Variants in GLIPR1L2 observed in about 807,000 individuals in gnomAD.
GLIPR1L2 encodes the protein GLIPR1 like 2, also known as GLIPR1-like protein 2.
In GLIPR1L2, 21 loss-of-function variants were observed where a neutral mutation model predicts 28.4. The observed-to-expected ratio is 0.74, with a 90% CI of 0.52 to 1.06. The LOEUF (loss-of-function observed/expected upper bound fraction) is 1.06. GLIPR1L2 is among the 50% of genes least tolerant of loss of function. The pLI, the probability that GLIPR1L2 is intolerant of heterozygous loss-of-function variation, is 0.00. For synonymous variants in GLIPR1L2, 145 were observed against 139.3 expected (o/e 1.04, Z -0.29); for missense variants, 476 against 416.9 (o/e 1.14, Z -1.23).
At chr12:75,430,438 G>A (rs911609902) in intron 4 of GLIPR1L2, among the ~76,000 whole-genome samples, 2 of 152,144 alleles carry the variant, frequency 1.3e-5, no homozygotes, top group Non-Finnish European at 2.9e-5. Context: ...AGGCAGAAGT[G>A]GAGAAATGTA....
chr12:75,417,045 C>G (rs946302962), intron 3 of GLIPR1L2, among the ~76,000 whole-genome samples: 2 of 152,002 alleles, frequency 1.3e-5, no homozygotes, highest in African/African-American at 4.8e-5. Flanking sequence ...TGGTGCCCCC[C>G]CTACCAACGT....
intron 1 of GLIPR1L2, among the ~76,000 whole-genome samples, chr12:75,407,882 C>T (rs1479140036): frequency 1.3e-5 from 2 of 152,044 alleles, no homozygotes; most frequent in Non-Finnish European, 2.9e-5. Flanking sequence ...TAATTAATCA[C>T]TTAAAATCAT....
At chr12:75,411,752 G>A (rs1461176237) in intron 2 of GLIPR1L2, among the ~76,000 whole-genome samples, 1 of 151,700 alleles carries the variant, frequency 6.6e-6, no homozygotes, top group African/African-American at 2.4e-5. Flanking sequence ...CCTTTTTAAT[G>A]TGTCTCTTTA....
rs2046092111 is a variant in GLIPR1L2, at chr12:75,431,408, A to G, written c.*247A>G. On this transcript the variant is annotated 3_prime_UTR_variant, in exon 6 of 6. Coordinates refer to ENST00000550916, the MANE Select transcript of GLIPR1L2 (RefSeq NM_001270396.2). ...CACTAAGAACAGATAAAGACATGACAGGAAAAACACTGAAAAACATTTGAC... is the reference window on the plus strand; with the variant it reads ...CACTAAGAACAGATAAAGACATGACGGGAAAAACACTGAAAAACATTTGAC... 1 of 363,264 alleles carries G rather than the reference A, an allele frequency of 2.8e-6. No homozygotes were observed. Among genetic ancestry groups the G allele is most frequent in the African/African-American group, 2.1e-5 (1 of 47,804 alleles). 22.5% of individuals were successfully genotyped at this position (363,264 alleles called of 1,614,324 possible).
intron 1 of GLIPR1L2, among the ~76,000 whole-genome samples, chr12:75,401,847 T>G (rs566579391): frequency 5.3e-5 from 8 of 152,094 alleles, no homozygotes; most frequent in Non-Finnish European, 1.2e-4. Flanking sequence ...AAAAGGCAAT[T>G]AGCTGTAAAT....
chr12:75,403,052 C>G (rs1272355859), intron 1 of GLIPR1L2: 2 of 457,108 alleles, frequency 4.4e-6, no homozygotes, highest in South Asian at 1.5e-5. Context: ...GTAGCAGATT[C>G]ATCATTGGAT....
At position 75,431,226 on chromosome 12, in the gene GLIPR1L2, C is replaced by CA; in HGVS notation, c.*66dup. 16 of 459,786 alleles carry CA rather than the reference C, an allele frequency of 3.5e-5. No individual in the cohort carries two copies. The highest frequency in any genetic ancestry group is 1.2e-4 in the South Asian group (3 of 25,006). The allele number at this position is 459,786 out of a possible 1,614,324, so 28.5% of individuals were successfully genotyped here. ...ACCAAAAGTGTAATACAAAAAAAGA[C>CA]AGAAAAAAAAAAAAAGTAAAACACT... On this transcript the variant is annotated 3_prime_UTR_variant, in exon 6 of 6. Transcript: ENST00000550916.
At chr12:75,400,082 C>T (rs1331953695) in intron 1 of GLIPR1L2, among the ~76,000 whole-genome samples, 1 of 151,922 alleles carries the variant, frequency 6.6e-6, no homozygotes, top group Non-Finnish European at 1.5e-5. Context: ...ATACCATACA[C>T]CTGTGGGGAA....
intron 3 of GLIPR1L2, among the ~76,000 whole-genome samples, chr12:75,415,154 G>A (rs2045911481): frequency 6.6e-6 from 1 of 152,016 alleles, no homozygotes; most frequent in Admixed American, 6.6e-5. Context: ...GTTAGATGTA[G>A]GAGTTGAGGT....
intron 1 of GLIPR1L2, among the ~76,000 whole-genome samples, chr12:75,404,690 G>A (rs2045777654): frequency 1.3e-5 from 2 of 151,952 alleles, no homozygotes; most frequent in South Asian, 4.1e-4. Flanking sequence ...AACAACAAAT[G>A]TGTATTTAAC....
At chr12:75,402,895 G>T (rs2045757748) in intron 1 of GLIPR1L2, 1 of 425,400 alleles carries the variant, frequency 2.4e-6, no homozygotes, top group South Asian at 1.7e-5. Context: ...TATCCTTGCT[G>T]TATTTGGAAT....
intron 1 of GLIPR1L2, among the ~76,000 whole-genome samples, chr12:75,402,705 A>T (rs2045755750): frequency 6.6e-6 from 1 of 152,138 alleles, no homozygotes; most frequent in African/African-American, 2.4e-5. Flanking sequence ...GTTATTGCAA[A>T]TCACACCTAG....
At chr12:75,416,117 T>G (rs139908217) in intron 3 of GLIPR1L2, among the ~76,000 whole-genome samples, 1 of 152,246 alleles carries the variant, frequency 6.6e-6, no homozygotes, top group East Asian at 1.9e-4. Context: ...ACAAGCCGAT[T>G]GGCTTGAGTT....
chr12:75,403,008 C>T (rs889200717), intron 1 of GLIPR1L2: 5 of 456,718 alleles, frequency 1.1e-5, no homozygotes, highest in Admixed American at 4.7e-5. Context: ...ACAATTTTTC[C>T]TTTAACAGTT....
At chr12:75,417,880 TATTA>T (rs1379010865) in intron 3 of GLIPR1L2, among the ~76,000 whole-genome samples, 3 of 152,072 alleles carry the variant, frequency 2.0e-5, no homozygotes, top group Non-Finnish European at 2.9e-5. Context: ...AATAAAACAA[TATTA>T]ATTCGATTAC....
intron 1 of GLIPR1L2, among the ~76,000 whole-genome samples, chr12:75,403,600 G>A (rs1407607335): frequency 6.6e-6 from 1 of 152,060 alleles, no homozygotes; most frequent in East Asian, 1.9e-4. Flanking sequence ...GAACATCAGT[G>A]GCCTCTTTGG....
At position 75,410,576 on chromosome 12, in the gene GLIPR1L2, A is replaced by G; in HGVS notation, c.377A>G (p.Asn126Ser). 3.7e-6 allele frequency: 6 copies of G among 1,612,432 alleles called. No individual in the cohort carries two copies. The highest frequency in any genetic ancestry group is 5.1e-6 in the Non-Finnish European group (6 of 1,178,960). The change falls in exon 2 of 6, where the codon AAT becomes AGT. Residue 126 changes from asparagine (N) to serine (S), a missense_variant. Transcript: ENST00000550916. Reference sequence around the variant, plus strand: ...GAAAATATGTGGGTCGGCCCTGAAAATGAATTTACTGCAAGTATTGCTATC... The same window carrying G: ...GAAAATATGTGGGTCGGCCCTGAAAGTGAATTTACTGCAAGTATTGCTATC... ...IGENMWVGPE[N>S]EFTASIAIRS...
At chr12:75,411,089 GTAT>G (rs2045862341) in intron 2 of GLIPR1L2, among the ~76,000 whole-genome samples, 1 of 151,672 alleles carries the variant, frequency 6.6e-6, no homozygotes, top group Admixed American at 6.6e-5. Flanking sequence ...CAAATTAATA[GTAT>G]TATTTCCCTG....
Position 75,391,142 on chromosome 12 carries a change from G to T in GLIPR1L2, c.26G>T (p.Arg9Leu). ...ATGGAGGCCGCAAGGCCCTTCGCCC[G>T]GGAGTGGAGGGCCCAGTCCCTACCC... MEAARPFA[R>L]EWRAQSLPLA... Residue 9 changes from arginine (R) to leucine (L), a missense_variant, in exon 1 of 6, where the codon CGG becomes CTG. Transcript: ENST00000550916. The T allele has an allele frequency of 1.9e-6, 3 of 1,613,902 alleles. No homozygotes were observed. Among genetic ancestry groups the T allele is most frequent in the Non-Finnish European group, 2.5e-6 (3 of 1,179,912 alleles).
Sources: allele counts gnomAD v4.1 joint callset (sites outside exome capture counted in the v4.1 genomes callset), GRCh38; gene constraint gnomAD v4.1.1; transcripts MANE v1.5; gene names NCBI Gene and HGNC (gene_info 2026-07-23, HGNC 2026-07-21).